ZNF793: variants seen among roughly 807,000 people sequenced by gnomAD.
ZNF793 encodes zinc finger protein 793.
In ZNF793, 5 loss-of-function variants were observed where a neutral mutation model predicts 12.4. The observed-to-expected ratio is 0.40, with a 90% CI of 0.21 to 0.84. The LOEUF (loss-of-function observed/expected upper bound fraction) is 0.84, where lower values mean the gene tolerates loss of function less well. Among genes scored for constraint, ZNF793 ranks in the 40% least tolerant of loss-of-function variants. ZNF793 has a pLI of 0.35. For missense variants in ZNF793, 456 were observed against 495.0 expected, an observed-to-expected ratio of 0.92 and a Z score of 0.75; for synonymous variants, 162 against 172.4, an observed-to-expected ratio of 0.94 and a Z score of 0.47.
intron 7 of ZNF793, chr19:37,534,179 C>G (rs977540995): frequency 1.3e-5 from 2 of 152,136 alleles, no homozygotes; most frequent in African/African-American, 4.8e-5. Flanking sequence ...TTTCCAGCTA[C>G]TCTGTTACTA....
intron 7 of ZNF793, chr19:37,535,978 A>C (rs1203566371): frequency 1.3e-5 from 2 of 153,238 alleles, no homozygotes; most frequent in Admixed American, 1.3e-4. Flanking sequence ...ATATTCACAA[A>C]CTAGTATCAA....
At chr19:37,525,129 CT>C (rs964381458) in intron 5 of ZNF793, among the ~76,000 whole-genome samples, 7 of 151,480 alleles carry the variant, frequency 4.6e-5, no homozygotes, top group African/African-American at 1.7e-4. Context: ...TGATTTCTTT[CT>C]GTTTTCTCTC....
At chr19:37,525,385 G>A (rs909463052) in intron 5 of ZNF793, among the ~76,000 whole-genome samples, 1 of 150,490 alleles carries the variant, frequency 6.6e-6, no homozygotes. Flanking sequence ...TGATCCTCCC[G>A]CCTCGGCCTC....
chr19:37,524,174 AATAAT>A (rs2042396055), intron 5 of ZNF793, among the ~76,000 whole-genome samples: 2 of 147,530 alleles, frequency 1.4e-5, no homozygotes, highest in Admixed American at 1.4e-4. Context: ...TAATAATAAT[AATAAT>A]AATAATAATA....
At chr19:37,536,860 G>A in intron 7 of ZNF793, 37 bp from the exon 8 acceptor site, 3 of 1,551,282 alleles carry the variant, frequency 1.9e-6, no homozygotes, top group Non-Finnish European at 2.6e-6. Context: ...TAAGTAGTAT[G>A]AAGTTTCATA....
In ZNF793 at chr19:37,537,739, C is replaced by T. The variant is rs200069012; in HGVS notation, c.1081C>T (p.His361Tyr). The T allele has an allele frequency of 3.7e-6, 6 of 1,613,976 alleles. No individual in the cohort carries two copies. In the Admixed American group the frequency reaches 6.7e-5, roughly 18 times the overall value. The part of the protein sequence containing the change: ...KSCLNKHWRT[H>Y]TGEKPYGCNE... ...ATGCCTCAATAAACATTGGAGAACT[C>T]ACACAGGAGAGAAGCCCTATGGGTG... The change falls in exon 8 of 8, where the codon CAC (histidine) becomes TAC (tyrosine). Residue 361 changes from histidine to tyrosine, a missense_variant. Transcript: ENST00000627814.
chr19:37,525,064 C>T (rs2042402996), intron 5 of ZNF793, among the ~76,000 whole-genome samples: 1 of 151,892 alleles, frequency 6.6e-6, no homozygotes, highest in South Asian at 2.1e-4. Context: ...TTGCGATCCA[C>T]ATATATAATG....
Position 37,540,849 on chromosome 19 carries a change from A to C in ZNF793, c.*2970A>C, listed in dbSNP as rs961317662. On this transcript the variant is annotated 3_prime_UTR_variant, in exon 8 of 8. Coordinates refer to ENST00000627814, the MANE Select transcript of ZNF793 (RefSeq NM_001013659.3). ...CATAATTTATATGTACTTCTTTTGG[A>C]ATTACACTAAATCTCAATGATTTTT... is the stretch of plus-strand genomic sequence containing the variant. The C allele has an allele frequency of 8.5e-5, 13 of 152,142 alleles. No homozygotes were observed. Among genetic ancestry groups the C allele is most frequent in the Admixed American group, 7.2e-4 (11 of 15,276 alleles). 9.4% of individuals were successfully genotyped at this position (152,142 alleles called of 1,614,324 possible). A position where few individuals can be genotyped will look rare whatever the true frequency, so the allele number is the denominator to read the frequency against.
rs1005218156 is a variant in ZNF793, at chr19:37,541,043, T to C, written c.*3164T>C. ...GAAGCCATTCTAATGAAATTAATAT[T>C]GTATTGGCAAAGGAACAGGTAAATA... On this transcript the variant is annotated 3_prime_UTR_variant, in exon 8 of 8. Transcript: ENST00000627814. The C allele has an allele frequency of 6.6e-6, 1 of 152,076 alleles. No individual in the cohort carries two copies. Among genetic ancestry groups the C allele is most frequent in the African/African-American group, 2.4e-5 (1 of 41,432 alleles). The allele number at this position is 152,076 out of a possible 1,614,324, so 9.4% of individuals were successfully genotyped here. A position where few individuals can be genotyped will look rare whatever the true frequency, so the allele number is the denominator to read the frequency against.
At chr19:37,520,028 G>T (rs2042362855) in intron 2 of ZNF793, among the ~76,000 whole-genome samples, 156 bp from the exon 3 acceptor site, 1 of 152,216 alleles carries the variant, frequency 6.6e-6, no homozygotes, top group African/African-American at 2.4e-5. Context: ...TCAGACACAA[G>T]GGTCTTTGTG....
At chr19:37,508,089 A>C (rs1002796241) in intron 1 of ZNF793, among the ~76,000 whole-genome samples, 176 bp from the exon 2 acceptor site, 1 of 152,180 alleles carries the variant, frequency 6.6e-6, no homozygotes, top group Non-Finnish European at 1.5e-5. Flanking sequence ...CTCTCCACCA[A>C]GGCCCATCTG....
At chr19:37,532,913 T>A (rs1323473597) in intron 6 of ZNF793, among the ~76,000 whole-genome samples, 1 of 152,208 alleles carries the variant, frequency 6.6e-6, no homozygotes, top group African/African-American at 2.4e-5. Context: ...TGCCAGAAAT[T>A]GTTTTAGCCA....
chr19:37,536,587 G>A (rs916110667), intron 7 of ZNF793: 3 of 408,900 alleles, frequency 7.3e-6, no homozygotes, highest in Non-Finnish European at 1.3e-5. Flanking sequence ...GGAGAGTTGA[G>A]TCATTGTGAC....
At chr19:37,510,351 A>C (rs554961857) in intron 2 of ZNF793, among the ~76,000 whole-genome samples, 3 of 135,092 alleles carry the variant, frequency 2.2e-5, no homozygotes, top group East Asian at 2.1e-4. Flanking sequence ...CTAAAACTAC[A>C]AAAAAAAAAA....
At chr19:37,526,755 G>A (rs1377125071) in intron 5 of ZNF793, among the ~76,000 whole-genome samples, 1 of 152,202 alleles carries the variant, frequency 6.6e-6, no homozygotes, top group Non-Finnish European at 1.5e-5. Context: ...CCTCATGGAG[G>A]TCTGCAGCCT....
At chr19:37,531,292 G>GAGTAGCT (rs2042458318) in intron 5 of ZNF793, 1 of 152,344 alleles carries the variant, frequency 6.6e-6, no homozygotes, top group Non-Finnish European at 1.5e-5. Context: ...TCAGCCACCT[G>GAGTAGCT]AGTAGCTAGG....
At chr19:37,524,961 G>A (rs1334753451) in intron 5 of ZNF793, among the ~76,000 whole-genome samples, 1 of 152,152 alleles carries the variant, frequency 6.6e-6, no homozygotes, top group East Asian at 1.9e-4. Flanking sequence ...CAGTTTTTCA[G>A]GTGACCAAAA....
In ZNF793 at chr19:37,537,536, C is replaced by T. The variant is rs368936802; in HGVS notation, c.878C>T (p.Thr293Ile). Residue 293 changes from threonine to isoleucine, a missense_variant, in exon 8 of 8, where the codon ACC becomes ATC. Coordinates refer to ENST00000627814, the MANE Select transcript of ZNF793 (RefSeq NM_001013659.3). ...TGTTTTTTTTGTGGGAAAGCCTTTA[C>T]CCAGAAGTCACACCGCACAGAACAT... is the stretch of plus-strand genomic sequence containing the variant. ...FECFFCGKAF[T>I]QKSHRTEHQR... is the part of the protein sequence containing the mutation. 8.1e-6 allele frequency: 13 copies of T among 1,613,996 alleles called. No individual in the cohort carries two copies. Among genetic ancestry groups the T allele is most frequent in the Admixed American group, 3.3e-5 (2 of 59,984 alleles).
chr19:37,539,118 A>G lies in ZNF793; in HGVS notation c.*1239A>G. The G allele has an allele frequency of 6.6e-6, 1 of 152,212 alleles. No homozygotes were observed. The highest frequency in any genetic ancestry group is 6.5e-5 in the Admixed American group (1 of 15,282). 9.4% of individuals were successfully genotyped at this position (152,212 alleles called of 1,614,324 possible). On this transcript the variant is annotated 3_prime_UTR_variant, in exon 8 of 8. Coordinates refer to ENST00000627814, the MANE Select transcript of ZNF793 (RefSeq NM_001013659.3). The stretch of plus-strand genomic sequence containing the variant: ...ATGTATTTGGATAATTTGGCCAAAA[A>G]TTTTACTAAAATGTAGTTATTTATA...
Sources: allele counts gnomAD v4.1 joint callset (sites outside exome capture counted in the v4.1 genomes callset), GRCh38; gene constraint gnomAD v4.1.1; transcripts MANE v1.5; gene names NCBI Gene and HGNC (gene_info 2026-07-23, HGNC 2026-07-21).